The following SLC30A8 variants were observed in gnomAD, a reference collection of about 807,000 sequenced individuals.
SLC30A8 encodes the protein solute carrier family 30 member 8, also known as proton-coupled zinc antiporter SLC30A8.
Under a neutral mutation model 36.9 loss-of-function variants are expected in SLC30A8, and 27 were observed. The observed-to-expected ratio is 0.73, with a 90% confidence interval of 0.54 to 1.01. The LOEUF (loss-of-function observed/expected upper bound fraction) is 1.01. Ranked by LOEUF, SLC30A8 falls within the 50% of genes least tolerant of loss-of-function variation. The pLI is 0.00. For synonymous variants in SLC30A8, 164 were observed against 172.4 expected (o/e 0.95, Z 0.38); for missense variants, 439 against 452.0 (o/e 0.97, Z 0.26).
At chr8:117,064,341 A>G (rs1044108290) in intron 2 of SLC30A8, among the ~76,000 whole-genome samples, 4 of 152,148 alleles carry the variant, frequency 2.6e-5, no homozygotes, top group African/African-American at 4.8e-5. Context: ...CTCAATCTCT[A>G]TAAGGGTGAA....
At chr8:116,996,655 T>G (rs1195912219) in intron 1 of SLC30A8, among the ~76,000 whole-genome samples, 1 of 152,108 alleles carries the variant, frequency 6.6e-6, no homozygotes, top group East Asian at 1.9e-4. Flanking sequence ...CGTGTAGGGC[T>G]TATAGGTCAT....
rs377002720 is a variant in SLC30A8 at position 117,062,425 on chromosome 8, C to T, written c.-226+23167C>T. ...AGGTGAAGCAGCAGCAGGCACATCA[C>T]ATGGCAAAAGTGGAGCAAGACAGAG... On this transcript the variant is annotated intron_variant, in intron 2 of 10. Transcript: ENST00000427715. Among the ~76,000 whole-genome samples the T allele has an allele frequency of 5.9e-5, 9 of 152,272 alleles. No individual in the cohort carries two copies. The East Asian group carries it at 1.5e-3, about 26-fold the overall frequency.
chr8:116,969,799 G>A (rs76370376), intron 1 of SLC30A8, among the ~76,000 whole-genome samples: 2,215 of 152,202 alleles, frequency 0.015, 61 homozygotes, highest in African/African-American at 0.05. Flanking sequence ...TGATATACCT[G>A]TATATCAGTT....
chr8:117,054,274 T>A (rs1420166162), intron 2 of SLC30A8, among the ~76,000 whole-genome samples: 1 of 151,876 alleles, frequency 6.6e-6, no homozygotes, highest in Non-Finnish European at 1.5e-5. Context: ...ATTTTTAAAT[T>A]TTTTTTTGTA....
rs1275416362 is a variant in SLC30A8, at chr8:117,150,635, T to C, written c.272-2309T>C. Reference sequence around the variant, plus strand: ...AAAATTTTTTTTTTGAGACGGGGTCTCGTTCTGTCACCCAGGCTGGAGTGC... The same window carrying C: ...AAAATTTTTTTTTTGAGACGGGGTCCCGTTCTGTCACCCAGGCTGGAGTGC... On this transcript the variant is annotated intron_variant, in intron 2 of 7. Coordinates refer to ENST00000456015, the MANE Select transcript of SLC30A8 (RefSeq NM_173851.3). 2.0e-5 allele frequency among the ~76,000 whole-genome samples: 3 copies of C among 152,168 alleles called. No homozygotes were observed. The East Asian group carries it at 5.8e-4, about 29-fold the overall frequency.
At chr8:116,951,351 G>A (rs1238562956) in intron 1 of SLC30A8, among the ~76,000 whole-genome samples, 3 of 152,116 alleles carry the variant, frequency 2.0e-5, no homozygotes, top group Non-Finnish European at 4.4e-5. Context: ...AATTAAACAA[G>A]GGAAGCTTGT....
chr8:117,018,873 G>C (rs1199930722), intron 1 of SLC30A8, among the ~76,000 whole-genome samples: 2 of 152,072 alleles, frequency 1.3e-5, no homozygotes, highest in Non-Finnish European at 2.9e-5. Flanking sequence ...ATGTTGGCCA[G>C]GCTGGTCTTG....
chr8:117,153,445 A>G (rs1040677873), intron 3 of SLC30A8, among the ~76,000 whole-genome samples: 1 of 152,176 alleles, frequency 6.6e-6, no homozygotes, highest in Non-Finnish European at 1.5e-5. Flanking sequence ...ATATTGCAAA[A>G]TGAGGCACAG....
intron 1 of SLC30A8, chr8:117,006,970 T>TG (rs1816198287): frequency 3.1e-5 from 3 of 97,508 alleles, no homozygotes; most frequent in African/African-American, 7.7e-5. Flanking sequence ...TTTTTTTTTT[T>TG]TTTTTTTTTT....
intron 1 of SLC30A8, among the ~76,000 whole-genome samples, chr8:116,961,393 C>T (rs1814415150): frequency 6.6e-6 from 1 of 152,136 alleles, no homozygotes; most frequent in Admixed American, 6.5e-5. Context: ...CGCGCCACTG[C>T]ACTCCAGCCT....
At chr8:116,969,050 A>G (rs376390651) in intron 1 of SLC30A8, among the ~76,000 whole-genome samples, 3 of 152,112 alleles carry the variant, frequency 2.0e-5, no homozygotes, top group Non-Finnish European at 2.9e-5. Flanking sequence ...GACTATTTCT[A>G]TTATCAGAGA....
chr8:116,981,119 G>A (rs1237187822), intron 1 of SLC30A8, among the ~76,000 whole-genome samples: 1 of 152,210 alleles, frequency 6.6e-6, no homozygotes, highest in Non-Finnish European at 1.5e-5. Context: ...TTGGACTGAA[G>A]GATGTACTGC....
intron 1 of SLC30A8, among the ~76,000 whole-genome samples, chr8:116,971,830 G>A (rs1404334680): frequency 6.6e-6 from 1 of 152,116 alleles, no homozygotes; most frequent in Non-Finnish European, 1.5e-5. Flanking sequence ...TAATGATAGA[G>A]GTTCTATAAT....
At chr8:117,136,845 ACC>A (rs1421456997) in intron 1 of SLC30A8, among the ~76,000 whole-genome samples, 2 of 151,980 alleles carry the variant, frequency 1.3e-5, no homozygotes, top group Non-Finnish European at 2.9e-5. Flanking sequence ...AGTCTCATTC[ACC>A]CCATAAATAG....
At chr8:116,969,734 A>G (rs889971690) in intron 1 of SLC30A8, among the ~76,000 whole-genome samples, 2 of 152,182 alleles carry the variant, frequency 1.3e-5, no homozygotes, top group Admixed American at 1.3e-4. Context: ...ATATTTGTGT[A>G]TCTAAACATA....
intron 1 of SLC30A8, among the ~76,000 whole-genome samples, chr8:116,963,594 T>C (rs1463195745): frequency 6.6e-6 from 1 of 152,264 alleles, no homozygotes; most frequent in Non-Finnish European, 1.5e-5. Context: ...GTGCATCCTT[T>C]CTTTTTATGG....
Position 117,153,036 on chromosome 8 carries a change from T to A in SLC30A8, c.364T>A (p.Trp122Arg). 6.2e-7 allele frequency: 1 copy of A among 1,613,504 alleles called. No homozygotes were observed. Among genetic ancestry groups the A allele is most frequent in the Non-Finnish European group, 8.5e-7 (1 of 1,179,564 alleles). ...TSFLLSLFSL[W>R]LSSKPPSKRL... ...TTTCCTGCTCAGTCTCTTCTCCCTG[T>A]GGTTGTCATCGAAGCCTCCCTCTAA... Residue 122 changes from tryptophan (W) to arginine (R), a missense_variant, in exon 3 of 8, where the codon TGG becomes AGG. Transcript: ENST00000456015.
intron 2 of SLC30A8, among the ~76,000 whole-genome samples, chr8:117,056,406 G>A (rs977114099): frequency 6.6e-6 from 1 of 152,120 alleles, no homozygotes; most frequent in South Asian, 2.1e-4. Context: ...CGCGCTGTGG[G>A]GACCTTTACC....
chr8:116,995,769 A>G (rs1815793832), intron 1 of SLC30A8, among the ~76,000 whole-genome samples: 1 of 152,122 alleles, frequency 6.6e-6, no homozygotes, highest in South Asian at 2.1e-4. Flanking sequence ...GAGCAGGGGA[A>G]AAGCAAAAAC....
Sources: gnomAD v4.1 joint callset for allele counts (sites outside exome capture counted in the v4.1 genomes callset) on GRCh38, gnomAD v4.1.1 for gene constraint, MANE v1.5 for transcripts, NCBI Gene and HGNC (gene_info 2026-07-23, HGNC 2026-07-21) for gene names.